The following PHF24 variants were observed in gnomAD, a reference collection of about 807,000 sequenced individuals.
PHF24 encodes the protein PHD finger protein 24.
Under a neutral mutation model 42.6 loss-of-function variants are expected in PHF24, and 25 were observed. That is an observed-to-expected ratio of 0.59 (90% CI 0.43 to 0.82). PHF24 has a LOEUF of 0.82. PHF24 is among the 40% of genes least tolerant of loss of function. The pLI, the probability that PHF24 is intolerant of heterozygous loss-of-function variation, is 0.00. For synonymous variants in PHF24, 185 were observed against 204.8 expected (o/e 0.90, Z 0.83); for missense variants, 470 against 538.1 (o/e 0.87, Z 1.25).
At chr9:34,760,310 A>T in the PHF24 span, among the ~76,000 whole-genome samples, 41 of 152,318 alleles carry the variant, frequency 2.7e-4, no homozygotes, top group African/African-American at 9.4e-4. Context: ...ATCGCCTTGT[A>T]AAGAAAAATG....
chr9:34,900,100 G>C, the PHF24 span, among the ~76,000 whole-genome samples: 1 of 152,152 alleles, frequency 6.6e-6, no homozygotes, highest in Non-Finnish European at 1.5e-5. Context: ...ACACCGTGGG[G>C]AACTCAGGAA....
chr9:34,869,925 A>G, the PHF24 span, among the ~76,000 whole-genome samples: 2 of 152,298 alleles, frequency 1.3e-5, no homozygotes, highest in East Asian at 1.9e-4. Context: ...AAAAGTAATC[A>G]TTAGGCATAA....
At chr9:34,836,955 G>A in the PHF24 span, 1 of 392,274 alleles carries the variant, frequency 2.5e-6, no homozygotes, top group South Asian at 2.0e-5. Context: ...CCTCCACTGT[G>A]TATGTCTCCC....
the PHF24 span, among the ~76,000 whole-genome samples, chr9:34,813,248 C>A: frequency 6.6e-6 from 1 of 152,182 alleles, no homozygotes; most frequent in Non-Finnish European, 1.5e-5. Context: ...AATAGTCTCA[C>A]TGCACATTAA....
chr9:34,712,097 G>A, the PHF24 span, among the ~76,000 whole-genome samples: 1 of 151,198 alleles, frequency 6.6e-6, no homozygotes, highest in Non-Finnish European at 1.5e-5. Flanking sequence ...TAGAATTCTT[G>A]TTTGACTTTT....
At chr9:34,832,606 C>T in the PHF24 span, 2 of 1,542,802 alleles carry the variant, frequency 1.3e-6, no homozygotes, top group South Asian at 2.4e-5. Context: ...AACATGGAAT[C>T]CTTGTGCCCT....
the PHF24 span, among the ~76,000 whole-genome samples, chr9:34,918,945 C>T: frequency 5.3e-5 from 8 of 152,264 alleles, no homozygotes; most frequent in African/African-American, 1.9e-4. Context: ...CGGTAGTTCT[C>T]ATGTTATGTT....
the PHF24 span, among the ~76,000 whole-genome samples, chr9:34,898,757 C>T: frequency 2.6e-5 from 4 of 152,190 alleles, no homozygotes; most frequent in Non-Finnish European, 5.9e-5. Flanking sequence ...GTTTTGTCAC[C>T]CATTAGCCTG....
chr9:34,971,407 A>G, exon 2 of PHF24: 1 of 1,614,138 alleles, frequency 6.2e-7, no homozygotes, highest in Non-Finnish European at 8.5e-7. Context: ...CATCCGACGC[A>G]CAGGTGAGCT....
upstream of PHF24, among the ~76,000 whole-genome samples, chr9:34,955,332 G>A (rs4609275): frequency 0.81 from 119,232 of 146,756 alleles, 48,638 homozygotes; most frequent in East Asian, 0.97. Flanking sequence ...AAAAAAAAAA[G>A]AAAAGAAAGT....
chr9:34,737,146 C>G, the PHF24 span, among the ~76,000 whole-genome samples: 2 of 152,202 alleles, frequency 1.3e-5, no homozygotes, highest in Non-Finnish European at 2.9e-5. Flanking sequence ...AATTCTAGAA[C>G]ATTTTCATCA....
At chr9:34,708,989 A>T in the PHF24 span, 2 of 193,246 alleles carry the variant, frequency 1.0e-5, no homozygotes. Flanking sequence ...GGACATAAAC[A>T]CATGGGAACA....
chr9:34,917,752 G>A, the PHF24 span: 1 of 875,388 alleles, frequency 1.1e-6, no homozygotes, highest in Non-Finnish European at 2.0e-6. Flanking sequence ...GGATTGTGGG[G>A]ACTAATGCCA....
At chr9:34,980,759 T>A (rs1827361682) in exon 8 of PHF24, 1 of 152,228 alleles carries the variant, frequency 6.6e-6, no homozygotes, top group Non-Finnish European at 1.5e-5. Context: ...TTGGCTCTAA[T>A]AAGGGTATGA....
intron 3 of PHF24, 27 bp from the exon 4 acceptor site, chr9:34,976,125 A>C: frequency 7.1e-4 from 1,112 of 1,576,540 alleles, no homozygotes; most frequent in Non-Finnish European, 8.9e-4. Flanking sequence ...CTGTATGGCC[A>C]CCGACTCAGC....
chr9:34,920,409 A>G, the PHF24 span, among the ~76,000 whole-genome samples: 4 of 152,000 alleles, frequency 2.6e-5, no homozygotes, highest in African/African-American at 7.2e-5. Context: ...TTTTGTTACT[A>G]TAGTTCTGTG....
At chr9:34,877,373 AG>A in the PHF24 span, among the ~76,000 whole-genome samples, 1 of 152,196 alleles carries the variant, frequency 6.6e-6, no homozygotes, top group Non-Finnish European at 1.5e-5. Flanking sequence ...CAGACACAAA[AG>A]GACAAATATT....
the PHF24 span, among the ~76,000 whole-genome samples, chr9:34,879,723 A>T: frequency 6.6e-6 from 1 of 152,246 alleles, no homozygotes; most frequent in South Asian, 2.1e-4. Flanking sequence ...TCTATGTCTG[A>T]CTGGTGTACC....
At chr9:34,832,430 A>G in the PHF24 span, 125 of 1,357,636 alleles carry the variant, frequency 9.2e-5, no homozygotes, top group Non-Finnish European at 1.2e-4. Flanking sequence ...GGGACTGGGG[A>G]CCATCCAAGA....
Sources: gnomAD v4.1 joint callset for allele counts (sites outside exome capture counted in the v4.1 genomes callset) on GRCh38, gnomAD v4.1.1 for gene constraint, MANE v1.5 for transcripts, NCBI Gene and HGNC (gene_info 2026-07-23, HGNC 2026-07-21) for gene names.